The following MEGF9 variants were observed in gnomAD, a reference collection of about 807,000 sequenced individuals.
MEGF9 encodes multiple epidermal growth factor-like domains protein 9.
In MEGF9, 6 loss-of-function variants were observed where a neutral mutation model predicts 46.8. The ratio of observed to expected loss-of-function variants is 0.13; its 90% confidence interval spans 0.07 to 0.25. The LOEUF is 0.25. Ranked by LOEUF, MEGF9 falls within the 10% of genes least tolerant of loss-of-function variation. The pLI is 1.00. For synonymous variants in MEGF9, 302 were observed against 330.7 expected, an observed-to-expected ratio of 0.91 and a Z score of 0.94; for missense variants, 683 against 792.4, an observed-to-expected ratio of 0.86 and a Z score of 1.66.
At chr9:120,624,590 G>A (rs184192670) in intron 2 of MEGF9, among the ~76,000 whole-genome samples, 21 of 152,220 alleles carry the variant, frequency 1.4e-4, no homozygotes, top group Admixed American at 1.0e-3. Context: ...AATATAGGCC[G>A]GGCGTGGTGG....
chr9:120,632,803 A>T (rs1404914093), intron 2 of MEGF9, among the ~76,000 whole-genome samples: 1 of 152,056 alleles, frequency 6.6e-6, no homozygotes, highest in African/African-American at 2.4e-5. Flanking sequence ...ATCACGAAGG[A>T]ATGTTGAATT....
intron 1 of MEGF9, among the ~76,000 whole-genome samples, chr9:120,675,356 C>G (rs984743563): frequency 3.9e-5 from 6 of 152,126 alleles, no homozygotes; most frequent in African/African-American, 1.4e-4. Flanking sequence ...GTGGCTGAGG[C>G]AGGAGGATCC....
intron 1 of MEGF9, among the ~76,000 whole-genome samples, chr9:120,684,047 C>T (rs4837790): frequency 0.59 from 90,167 of 152,014 alleles, 29,230 homozygotes; most frequent in South Asian, 0.74. Context: ...AAAATAGAGG[C>T]ACAGAGAAAT....
chr9:120,692,638 G>C (rs2043854439), intron 1 of MEGF9, among the ~76,000 whole-genome samples: 1 of 152,028 alleles, frequency 6.6e-6, no homozygotes, highest in Non-Finnish European at 1.5e-5. Context: ...GACCATCCCA[G>C]CCACAAATCT....
intron 2 of MEGF9, among the ~76,000 whole-genome samples, chr9:120,652,208 A>C (rs2043655496): frequency 2.2e-5 from 3 of 134,382 alleles, no homozygotes; most frequent in Non-Finnish European, 3.2e-5. Flanking sequence ...AAAACAGGTC[A>C]GGCATGGTGG....
chr9:120,615,102 G>A (rs1195246753), intron 3 of MEGF9, among the ~76,000 whole-genome samples: 2 of 151,668 alleles, frequency 1.3e-5, no homozygotes, highest in African/African-American at 4.8e-5. Context: ...AGTCAGGTGT[G>A]GTAGTGCATG....
At position 120,608,013 on chromosome 9, in the gene MEGF9, A is replaced by G; in HGVS notation, c.1088-3T>C. On this transcript the variant is annotated splice_polypyrimidine_tract_variant and splice_region_variant and intron_variant, in intron 4 of 5. Coordinates refer to ENST00000373930, the MANE Select transcript of MEGF9 (RefSeq NM_001080497.3). Reference sequence around the variant, plus strand: ...TTCAGGTTCCAATTCACTCGATTCTAAAAGAGAGAATGCCAAAATAGTTTA... The same window carrying G: ...TTCAGGTTCCAATTCACTCGATTCTGAAAGAGAGAATGCCAAAATAGTTTA... The G allele has an allele frequency of 6.2e-7, 1 of 1,613,320 alleles. No individual in the cohort carries two copies. Among genetic ancestry groups the G allele is most frequent in the Non-Finnish European group, 8.5e-7 (1 of 1,179,228 alleles).
chr9:120,626,591 C>CT (rs1311287740), intron 2 of MEGF9, among the ~76,000 whole-genome samples: 5 of 148,906 alleles, frequency 3.4e-5, no homozygotes, highest in African/African-American at 1.3e-4. Context: ...GCCAAATTAC[C>CT]TTTTTAAAGA....
At chr9:120,619,850 CT>C in intron 3 of MEGF9, among the ~76,000 whole-genome samples, 1 of 152,184 alleles carries the variant, frequency 6.6e-6, no homozygotes, top group South Asian at 2.1e-4. Context: ...CTTTGAAAAT[CT>C]ACTTCAATCT....
At chr9:120,629,449 G>A (rs1021395234) in intron 2 of MEGF9, among the ~76,000 whole-genome samples, 1 of 152,140 alleles carries the variant, frequency 6.6e-6, no homozygotes, top group African/African-American at 2.4e-5. Flanking sequence ...AGACCAGCCT[G>A]GCTAACATGG....
chr9:120,651,165 C>T (rs539870097), intron 2 of MEGF9, among the ~76,000 whole-genome samples: 30 of 152,254 alleles, frequency 2.0e-4, no homozygotes, highest in South Asian at 1.0e-3. Context: ...ATTTCTACTA[C>T]GCCAAAACTA....
chr9:120,649,286 C>T (rs2043638921), intron 2 of MEGF9, among the ~76,000 whole-genome samples: 1 of 152,218 alleles, frequency 6.6e-6, no homozygotes, highest in South Asian at 2.1e-4. Flanking sequence ...TAGAGCTAGT[C>T]CTCAAATAAT....
At chr9:120,649,130 T>C (rs1211631962) in intron 2 of MEGF9, among the ~76,000 whole-genome samples, 2 of 152,262 alleles carry the variant, frequency 1.3e-5, no homozygotes, top group Non-Finnish European at 2.9e-5. Flanking sequence ...TGTTGTTTTA[T>C]ACTGTTTTCT....
intron 4 of MEGF9, among the ~76,000 whole-genome samples, chr9:120,610,933 C>A (rs1485995206): frequency 6.6e-6 from 1 of 151,862 alleles, no homozygotes; most frequent in Non-Finnish European, 1.5e-5. Context: ...ATAAATAATC[C>A]AAATTTTAAA....
At chr9:120,619,810 C>A (rs962622189) in intron 3 of MEGF9, among the ~76,000 whole-genome samples, 9 of 152,112 alleles carry the variant, frequency 5.9e-5, no homozygotes, top group Non-Finnish European at 1.2e-4. Context: ...AAATGTTTAT[C>A]CAAATATATC....
chr9:120,612,671 T>C, intron 3 of MEGF9, 132 bp from the exon 4 acceptor site: 1 of 738,826 alleles, frequency 1.4e-6, no homozygotes, highest in Non-Finnish European at 2.1e-6. Flanking sequence ...AGTTAATTTC[T>C]ACCCCACCTG....
At chr9:120,621,296 A>G (rs938483128) in intron 3 of MEGF9, among the ~76,000 whole-genome samples, 21 of 152,102 alleles carry the variant, frequency 1.4e-4, no homozygotes, top group African/African-American at 4.8e-4. Context: ...TAGATCTCCA[A>G]TTACATTTAT....
At position 120,603,177 on chromosome 9, in the gene MEGF9, T is replaced by C. The variant is rs2043405257; in HGVS notation, c.*2013A>G. On this transcript the variant is annotated 3_prime_UTR_variant, in exon 6 of 6. Coordinates refer to ENST00000373930, the MANE Select transcript of MEGF9 (RefSeq NM_001080497.3). ...CCAAGCCTAATAATCACACACATTG[T>C]ATAGCCTTGAACAAGATATTTAGCT... The C allele has an allele frequency of 6.6e-6, 1 of 152,224 alleles. No individual in the cohort carries two copies. Among genetic ancestry groups the C allele is most frequent in the Non-Finnish European group, 1.5e-5 (1 of 68,038 alleles). 9.4% of individuals were successfully genotyped at this position (152,224 alleles called of 1,614,324 possible). A position where few individuals can be genotyped will look rare whatever the true frequency, so the allele number is the denominator to read the frequency against.
chr9:120,624,212 T>A (rs1241623765), intron 2 of MEGF9, among the ~76,000 whole-genome samples: 1 of 152,184 alleles, frequency 6.6e-6, no homozygotes, highest in Non-Finnish European at 1.5e-5. Context: ...TACCATGCTT[T>A]ATTTTTTCCT....
Sources: gnomAD v4.1 joint callset for allele counts (sites outside exome capture counted in the v4.1 genomes callset) on GRCh38, gnomAD v4.1.1 for gene constraint, MANE v1.5 for transcripts, NCBI Gene and HGNC (gene_info 2026-07-23, HGNC 2026-07-21) for gene names.